KIF27: variants seen among roughly 807,000 people sequenced by gnomAD.
KIF27 encodes the protein kinesin family member 27, also known as kinesin-like protein KIF27.
A neutral mutation model predicts 141.8 loss-of-function variants in KIF27; 84 were observed. The observed-to-expected ratio is 0.59, with a 90% CI of 0.50 to 0.71. The LOEUF is 0.71. KIF27 is among the 30% of genes least tolerant of loss of function. KIF27 has a pLI of 0.00. For missense variants in KIF27, 1,306 were observed against 1,628.4 expected (o/e 0.80, Z 3.41); for synonymous variants, 471 against 569.5 (o/e 0.83, Z 2.46).
intron 2 of KIF27, among the ~76,000 whole-genome samples, chr9:83,911,190 T>C (rs1204836314): frequency 6.6e-6 from 1 of 151,936 alleles, no homozygotes. Context: ...CCTCAGCCTC[T>C]GAAGTAGCTG....
intron 13 of KIF27, among the ~76,000 whole-genome samples, chr9:83,866,197 T>C (rs1365180571): frequency 6.6e-6 from 1 of 151,870 alleles, no homozygotes; most frequent in Non-Finnish European, 1.5e-5. Context: ...CTTGGTCCCT[T>C]CATTTCTGAG....
intron 4 of KIF27, among the ~76,000 whole-genome samples, chr9:83,902,734 T>C (rs138935826): frequency 6.6e-6 from 1 of 152,016 alleles, no homozygotes; most frequent in African/African-American, 2.4e-5. Context: ...ATTTAATAAA[T>C]ATAACAAATT....
Position 83,838,398 on chromosome 9 carries a change from G to A in KIF27, c.3722-913C>T, listed in dbSNP as rs549724893. ...ACAGGCACCCGCCACCACGCCCGGCGAATTTTTTGTATTTTTAGTAGAGAT... is the reference window on the plus strand; with the variant it reads ...ACAGGCACCCGCCACCACGCCCGGCAAATTTTTTGTATTTTTAGTAGAGAT... On this transcript the variant is annotated intron_variant, in intron 17 of 17. Coordinates refer to ENST00000297814, the MANE Select transcript of KIF27 (RefSeq NM_017576.4). Among the ~76,000 whole-genome samples the A allele has an allele frequency of 2.9e-3, 435 of 152,108 alleles. 3 individuals are homozygous for A. The highest frequency in any genetic ancestry group is 8.1e-3 in the African/African-American group (338 of 41,540).
Position 83,850,130 on chromosome 9 carries a change from T to C in KIF27, c.3525A>G (p.Gln1175=), listed in dbSNP as rs1948375076. ...RLTLQQKEHE[Q]KMQLLLHHFK... Reference sequence around the variant, plus strand: ...AATGATGTAATAGCAACTGCATCTTTTGTTCGTGTTCCTTTTGCTGGAGGG... The same window carrying C: ...AATGATGTAATAGCAACTGCATCTTCTGTTCGTGTTCCTTTTGCTGGAGGG... The change falls in exon 16 of 18, where the codon CAA becomes CAG. Residue 1175 remains glutamine, a synonymous_variant. Coordinates refer to ENST00000297814, the MANE Select transcript of KIF27 (RefSeq NM_017576.4). 3 of 1,613,868 alleles carry C rather than the reference T, an allele frequency of 1.9e-6. No homozygotes were observed. Among genetic ancestry groups the C allele is most frequent in the East Asian group, 2.2e-5 (1 of 44,894 alleles).
At chr9:83,873,042 A>G (rs1950924338) in intron 11 of KIF27, among the ~76,000 whole-genome samples, 2 of 152,190 alleles carry the variant, frequency 1.3e-5, no homozygotes, top group Non-Finnish European at 2.9e-5. Context: ...CTCCCAAACT[A>G]GGTATAAGGA....
At chr9:83,842,485 C>T (rs1186317282) in intron 16 of KIF27, 84 bp from the exon 17 acceptor site, 19 of 1,429,324 alleles carry the variant, frequency 1.3e-5, no homozygotes, top group African/African-American at 3.0e-5. Context: ...TTTTTTGAGA[C>T]GGAGTCTCGC....
intron 1 of KIF27, among the ~76,000 whole-genome samples, chr9:83,918,822 T>C (rs1226102441): frequency 6.6e-6 from 1 of 152,110 alleles, no homozygotes; most frequent in Admixed American, 6.6e-5. Flanking sequence ...AAACCTGTAA[T>C]CCCAGCATTT....
rs762219846 is a variant in KIF27, at chr9:83,891,404, C to T, written c.1700G>A (p.Cys567Tyr). Reference sequence around the variant, plus strand: ...GATCCTGGCATCTGGCCCATCTCCACAATTTTCTTTAGCTGAAGAAGTCAC... The same window carrying T: ...GATCCTGGCATCTGGCCCATCTCCATAATTTTCTTTAGCTGAAGAAGTCAC... ...LSVTSSAKEN[C>Y]GDGPDARIPE... The change falls in exon 6 of 18, where the codon TGT becomes TAT. Residue 567 changes from cysteine to tyrosine, a missense_variant. Coordinates refer to ENST00000297814, the MANE Select transcript of KIF27 (RefSeq NM_017576.4). The T allele has an allele frequency of 6.8e-6, 11 of 1,613,930 alleles. No individual in the cohort carries two copies. The highest frequency in any genetic ancestry group is 6.7e-5 in the East Asian group (3 of 44,842).
intron 7 of KIF27, 133 bp downstream of exon 7, chr9:83,888,951 G>A (rs1952396113): frequency 2.0e-6 from 2 of 994,038 alleles, no homozygotes; most frequent in South Asian, 2.4e-5. Flanking sequence ...TTAGATGATA[G>A]TACTTTTAGC....
intron 11 of KIF27, among the ~76,000 whole-genome samples, chr9:83,878,588 CT>C (rs1232227975): frequency 6.6e-6 from 1 of 152,060 alleles, no homozygotes; most frequent in Non-Finnish European, 1.5e-5. Flanking sequence ...GAATGAAGTT[CT>C]TGTACATGCT....
chr9:83,850,136 G>A lies in KIF27; in HGVS notation c.3519C>T (p.His1173=), dbSNP rs144826636. The change falls in exon 16 of 18, where the codon CAC becomes CAT. Residue 1173 remains histidine (H), a synonymous_variant. Coordinates refer to ENST00000297814, the MANE Select transcript of KIF27 (RefSeq NM_017576.4). ...GTAATAGCAACTGCATCTTTTGTTC[G>A]TGTTCCTTTTGCTGGAGGGTCAGTC... ...DRRLTLQQKE[H]EQKMQLLLHH... 31 of 1,613,800 alleles carry A rather than the reference G, an allele frequency of 1.9e-5. No homozygotes were observed. The highest frequency in any genetic ancestry group is 1.6e-4 in the Middle Eastern group (1 of 6,078).
intron 11 of KIF27, among the ~76,000 whole-genome samples, chr9:83,876,656 C>T (rs185915045): frequency 3.3e-5 from 5 of 152,272 alleles, no homozygotes; most frequent in Admixed American, 2.0e-4. Context: ...TTCCCAATTT[C>T]AAGACTTAAT....
intron 17 of KIF27, among the ~76,000 whole-genome samples, chr9:83,839,815 C>T (rs1198127384): frequency 3.9e-5 from 6 of 152,028 alleles, no homozygotes; most frequent in African/African-American, 9.7e-5. Context: ...CTGATGGTGG[C>T]GCCTGTAATC....
chr9:83,876,614 T>C (rs1206780741), intron 11 of KIF27, among the ~76,000 whole-genome samples: 2 of 152,158 alleles, frequency 1.3e-5, no homozygotes, highest in African/African-American at 4.8e-5. Flanking sequence ...CAAAATCATC[T>C]TGAAAAAGAA....
chr9:83,913,688 C>T (rs1415647584), intron 2 of KIF27, among the ~76,000 whole-genome samples: 4 of 152,286 alleles, frequency 2.6e-5, no homozygotes, highest in Admixed American at 1.3e-4. Flanking sequence ...CTGCCTGCCT[C>T]GGCCTCCCAA....
intron 11 of KIF27, among the ~76,000 whole-genome samples, chr9:83,872,445 ACT>A (rs1950874845): frequency 6.6e-6 from 1 of 152,196 alleles, no homozygotes; most frequent in South Asian, 2.1e-4. Context: ...CAGTTCACAT[ACT>A]CTCTGTTACT....
chr9:83,920,639 G>A (rs1956160663), intron 1 of KIF27, among the ~76,000 whole-genome samples: 1 of 152,122 alleles, frequency 6.6e-6, no homozygotes. Context: ...CTCAGAAAAG[G>A]CCCCAAATGC....
In KIF27 at chr9:83,908,434, T is replaced by C. The variant is rs1954792394; in HGVS notation, c.499+18A>G. 2.6e-6 allele frequency: 4 copies of C among 1,528,866 alleles called. No individual in the cohort carries two copies. Among genetic ancestry groups the C allele is most frequent in the Non-Finnish European group, 3.6e-6 (4 of 1,111,458 alleles). 94.7% of individuals were successfully genotyped at this position (1,528,866 alleles called of 1,614,324 possible). A position where few individuals can be genotyped will look rare whatever the true frequency, so the allele number is the denominator to read the frequency against. ...TCTGTTTGCTAATGAAGGCAACTGA[T>C]TAAGTGTGCTACTTTACCTGTGTTT... On this transcript the variant is annotated intron_variant, in intron 3 of 17. Coordinates refer to ENST00000297814, the MANE Select transcript of KIF27 (RefSeq NM_017576.4).
Position 83,899,685 on chromosome 9 carries a change from T to C in KIF27, c.1578A>G (p.Glu526=), listed in dbSNP as rs563312563. ...ENKGHAVSLK[E]AQKVNRLQNE... ...CCTGCAGTCTATTCACTTTTTGCGC[T>C]TCTTTCAAAGATACAGCATGCCCTT... The change falls in exon 5 of 18, where the codon GAA becomes GAG. Residue 526 remains glutamate (E), a synonymous_variant. Coordinates refer to ENST00000297814, the MANE Select transcript of KIF27 (RefSeq NM_017576.4). 1.2e-6 allele frequency: 2 copies of C among 1,613,792 alleles called. No individual in the cohort carries two copies. The highest frequency in any genetic ancestry group is 4.5e-5 in the East Asian group (2 of 44,830).
Sources: gnomAD v4.1 joint callset for allele counts (sites outside exome capture counted in the v4.1 genomes callset) on GRCh38, gnomAD v4.1.1 for gene constraint, MANE v1.5 for transcripts, NCBI Gene and HGNC (gene_info 2026-07-23, HGNC 2026-07-21) for gene names.